SNRPD1: variants seen among roughly 807,000 people sequenced by gnomAD.
The protein encoded by SNRPD1 is small nuclear ribonucleoprotein D1 polypeptide.
SNRPD1 carries 1 observed loss-of-function variant against 14.4 expected under a neutral mutation model. The observed-to-expected ratio is 0.07, with a 90% confidence interval of 0.02 to 0.33. The LOEUF is 0.33. Ranked by LOEUF, SNRPD1 falls within the 10% of genes least tolerant of loss-of-function variation. The probability of loss-of-function intolerance (pLI) is 1.00; values close to 1 mark genes in which losing one functional copy is unlikely to be tolerated. For missense variants in SNRPD1, 52 were observed against 146.4 expected, an observed-to-expected ratio of 0.36 and a Z score of 3.33; for synonymous variants, 42 against 50.3, an observed-to-expected ratio of 0.83 and a Z score of 0.70.
intron 1 of SNRPD1, among the ~76,000 whole-genome samples, chr18:21,615,617 C>CA (rs530442990): frequency 2.6e-3 from 313 of 119,188 alleles, no homozygotes; most frequent in Non-Finnish European, 4.5e-3. Flanking sequence ...GACTCCGTCT[C>CA]AAAAAAAAAG....
rs535872284 is a variant in SNRPD1 at position 21,612,671 on chromosome 18, C to T, written c.14+228C>T. 2.9e-3 allele frequency among the ~76,000 whole-genome samples: 442 copies of T among 152,384 alleles called. 3 individuals carry two copies. The South Asian group carries it at 0.037, about 13-fold the overall frequency. On this transcript the variant is annotated intron_variant, in intron 1 of 3. Transcript: ENST00000300413. ...GATTGGTATAAAGGCCGAGCCTTTT[C>T]TTCCTGCCTAGTGACTTAGAGGCTT...
intron 1 of SNRPD1, among the ~76,000 whole-genome samples, chr18:21,616,349 G>A (rs2038957647): frequency 6.6e-6 from 1 of 151,990 alleles, no homozygotes; most frequent in African/African-American, 2.4e-5. Flanking sequence ...TTTTCTCTCA[G>A]TGTGTGGTTT....
Position 21,622,711 on chromosome 18 carries a change from A to C in SNRPD1, c.15-14A>C, listed in dbSNP as rs780024650. On this transcript the variant is annotated splice_polypyrimidine_tract_variant and intron_variant, in intron 1 of 3. Transcript: ENST00000300413. ...AAGTGTTACAGGTAAAAATGGTTTT[A>C]TTCCTATTTATAGATTTTTGATGAA... 3.1e-6 allele frequency: 4 copies of C among 1,283,212 alleles called. No individual in the cohort carries two copies. In the South Asian group the frequency reaches 4.8e-5, roughly 15 times the overall value. 79.5% of individuals were successfully genotyped at this position (1,283,212 alleles called of 1,614,324 possible). A position where few individuals can be genotyped will look rare whatever the true frequency, so the allele number is the denominator to read the frequency against.
At chr18:21,619,552 A>C (rs1273096722) in intron 1 of SNRPD1, among the ~76,000 whole-genome samples, 1 of 150,132 alleles carries the variant, frequency 6.7e-6, no homozygotes, top group Non-Finnish European at 1.5e-5. Context: ...TGGGAGGCCA[A>C]GGTGGGCAGA....
At chr18:21,629,032 T>C (rs774433295) in intron 3 of SNRPD1, 30 bp from the exon 4 acceptor site, 9 of 1,579,200 alleles carry the variant, frequency 5.7e-6, no homozygotes, top group Middle Eastern at 3.3e-4. Flanking sequence ...AGGAGAGAAT[T>C]GAACTTGGTT....
intron 3 of SNRPD1, among the ~76,000 whole-genome samples, chr18:21,627,506 C>G (rs1399044964): frequency 2.1e-5 from 3 of 139,748 alleles, no homozygotes; most frequent in Non-Finnish European, 3.0e-5. Context: ...ATGGCGCGAT[C>G]TCCACTCATT....
Position 21,612,349 on chromosome 18 carries a change from G to A in SNRPD1, c.-81G>A, listed in dbSNP as rs1336590708. The A allele has an allele frequency of 8.9e-7, 1 of 1,125,374 alleles. No homozygotes were observed. The highest frequency in any genetic ancestry group is 1.6e-5 in the African/African-American group (1 of 62,866). 69.7% of individuals were successfully genotyped at this position (1,125,374 alleles called of 1,614,324 possible). A position where few individuals can be genotyped will look rare whatever the true frequency, so the allele number is the denominator to read the frequency against. On this transcript the variant is annotated 5_prime_UTR_variant, in exon 1 of 4. Coordinates refer to ENST00000300413, the MANE Select transcript of SNRPD1 (RefSeq NM_006938.4). ...GGAGCCCCTGGAGTAGGCGCTTCCG[G>A]CCATTCATACTGCAGTCGGTCAGTG...
At chr18:21,627,617 T>C (rs2039050694) in intron 3 of SNRPD1, among the ~76,000 whole-genome samples, 2 of 151,978 alleles carry the variant, frequency 1.3e-5, no homozygotes, top group South Asian at 4.2e-4. Context: ...GTTGTTGTTG[T>C]TTTACAACAC....
chr18:21,612,517 C>T lies in SNRPD1; in HGVS notation c.14+74C>T, dbSNP rs563718173. ...CCCGGAGTCCGGAAGGCTGGGCTCT[C>T]CCATTTGCAGGAGGCGGGAAAGCCG... On this transcript the variant is annotated intron_variant, in intron 1 of 3. Coordinates refer to ENST00000300413, the MANE Select transcript of SNRPD1 (RefSeq NM_006938.4). The T allele has an allele frequency of 2.2e-4, 260 of 1,200,548 alleles. 6 individuals are homozygous for T. The South Asian group carries it at 3.3e-3, about 15-fold the overall frequency. The allele number at this position is 1,200,548 out of a possible 1,614,324, so 74.4% of individuals were successfully genotyped here.
intron 3 of SNRPD1, among the ~76,000 whole-genome samples, chr18:21,628,184 A>C (rs998878903): frequency 1.3e-5 from 2 of 152,152 alleles, no homozygotes; most frequent in African/African-American, 4.8e-5. Flanking sequence ...GTTTGAGAGC[A>C]GCTTGGGCAA....
At chr18:21,616,810 C>T (rs1443380000) in intron 1 of SNRPD1, among the ~76,000 whole-genome samples, 5 of 152,084 alleles carry the variant, frequency 3.3e-5, no homozygotes, top group East Asian at 1.9e-4. Flanking sequence ...CTCAGCCTCC[C>T]GAGTAGCTGG....
At chr18:21,628,011 T>C (rs1375372716) in intron 3 of SNRPD1, among the ~76,000 whole-genome samples, 1 of 152,168 alleles carries the variant, frequency 6.6e-6, no homozygotes, top group Non-Finnish European at 1.5e-5. Context: ...AGTTATTTTG[T>C]GAAATGTCCC....
intron 3 of SNRPD1, among the ~76,000 whole-genome samples, chr18:21,626,847 G>T (rs988961206): frequency 2.6e-5 from 4 of 151,540 alleles, no homozygotes; most frequent in African/African-American, 9.7e-5. Flanking sequence ...ATCTCACTGT[G>T]TTGCTCAGGC....
At chr18:21,615,479 A>G (rs2038950301) in intron 1 of SNRPD1, among the ~76,000 whole-genome samples, 1 of 152,088 alleles carries the variant, frequency 6.6e-6, no homozygotes, top group African/African-American at 2.4e-5. Flanking sequence ...GTAGCTGGGC[A>G]TGGTGGCAGG....
At chr18:21,617,333 C>T (rs557758031) in intron 1 of SNRPD1, among the ~76,000 whole-genome samples, 1 of 152,124 alleles carries the variant, frequency 6.6e-6, no homozygotes, top group Admixed American at 6.5e-5. Flanking sequence ...GTTGTGGTGG[C>T]GAGTGCCTGT....
chr18:21,618,217 G>GT (rs1162133976), intron 1 of SNRPD1, among the ~76,000 whole-genome samples: 1 of 151,850 alleles, frequency 6.6e-6, no homozygotes, highest in East Asian at 1.9e-4. Context: ...GAGCTCAGGA[G>GT]TTTAAGACTA....
intron 1 of SNRPD1, among the ~76,000 whole-genome samples, chr18:21,613,371 C>A (rs1230036492): frequency 6.6e-6 from 1 of 152,032 alleles, no homozygotes; most frequent in Non-Finnish European, 1.5e-5. Flanking sequence ...CCTGTTGAGT[C>A]AAGGATTGTC....
intron 2 of SNRPD1, among the ~76,000 whole-genome samples, chr18:21,623,463 C>A (rs558384233): frequency 1.3e-5 from 2 of 152,278 alleles, no homozygotes; most frequent in African/African-American, 4.8e-5. Context: ...AAATACCTGT[C>A]ACATCAGTAG....
chr18:21,628,414 A>C (rs576383153), intron 3 of SNRPD1, among the ~76,000 whole-genome samples: 1 of 152,320 alleles, frequency 6.6e-6, no homozygotes, highest in Admixed American at 6.5e-5. Flanking sequence ...ACTGACTTCT[A>C]TGTCAAGATT....
Sources: gnomAD v4.1 joint callset for allele counts (sites outside exome capture counted in the v4.1 genomes callset) on GRCh38, gnomAD v4.1.1 for gene constraint, MANE v1.5 for transcripts, NCBI Gene and HGNC (gene_info 2026-07-23, HGNC 2026-07-21) for gene names.